Variants in RPL39L observed in about 807,000 individuals in gnomAD.
The protein encoded by RPL39L is ribosomal protein L39 like, also known as ribosomal protein eL39-like 2.
For synonymous variants in RPL39L, 16 were observed against 20.1 expected, an observed-to-expected ratio of 0.80 and a Z score of 0.55; for missense variants, 48 against 58.9, an observed-to-expected ratio of 0.81 and a Z score of 0.61.
intron 1 of RPL39L, among the ~76,000 whole-genome samples, 153 bp downstream of exon 1, chr3:187,139,060 A>AAAACAAACAAACAAACAAAC (rs112153457): frequency 2.0e-5 from 3 of 147,958 alleles, no homozygotes; most frequent in African/African-American, 7.7e-5. Flanking sequence ...CCTGTCTCAA[A>AAAACAAACAAACAAACAAAC]AAACAAACAA....
intron 2 of RPL39L, 42 bp downstream of exon 2, chr3:187,127,957 C>T (rs1262548360): frequency 1.3e-5 from 2 of 152,012 alleles, no homozygotes; most frequent in Non-Finnish European, 2.9e-5. Flanking sequence ...AAAAATTACA[C>T]TTTTTTTTCA....
chr3:187,134,817 G>GT (rs1720547636), intron 1 of RPL39L, among the ~76,000 whole-genome samples: 1 of 152,214 alleles, frequency 6.6e-6, no homozygotes, highest in African/African-American at 2.4e-5. Context: ...GCCTTTCTCA[G>GT]TGCCAGGAGG....
At chr3:187,138,415 G>A (rs964558990) in intron 1 of RPL39L, among the ~76,000 whole-genome samples, 33 of 152,312 alleles carry the variant, frequency 2.2e-4, no homozygotes, top group African/African-American at 7.9e-4. Flanking sequence ...AAAAGGCAAG[G>A]AAGTGGCGAG....
At chr3:187,127,331 A>C (rs1175236217) in intron 2 of RPL39L, among the ~76,000 whole-genome samples, 1 of 152,232 alleles carries the variant, frequency 6.6e-6, no homozygotes, top group Non-Finnish European at 1.5e-5. Context: ...GAATGGACCC[A>C]AGAATTTGCA....
intron 1 of RPL39L, among the ~76,000 whole-genome samples, chr3:187,134,977 T>C (rs1720549568): frequency 6.6e-6 from 1 of 152,230 alleles, no homozygotes; most frequent in Admixed American, 6.5e-5. Context: ...AGAGTGACCT[T>C]TGCATGTTGG....
At chr3:187,126,408 C>A (rs1720398733) in intron 2 of RPL39L, among the ~76,000 whole-genome samples, 1 of 152,172 alleles carries the variant, frequency 6.6e-6, no homozygotes, top group African/African-American at 2.4e-5. Flanking sequence ...AGGCGATCTG[C>A]CCGCCTCGGC....
intron 1 of RPL39L, among the ~76,000 whole-genome samples, chr3:187,137,821 CA>C (rs36040788): frequency 0.38 from 43,982 of 115,512 alleles, 8,076 homozygotes; most frequent in African/African-American, 0.55. Flanking sequence ...TACTCCGTCT[CA>C]AAAAAAAAAA....
Position 187,121,251 on chromosome 3 carries a change from T to C in RPL39L, c.50A>G (p.Gln17Arg). 1 of 1,614,026 alleles carries C rather than the reference T, an allele frequency of 6.2e-7. No homozygotes were observed. The highest frequency in any genetic ancestry group is 8.5e-7 in the Non-Finnish European group (1 of 1,179,900). ...FTIKRFLAKK[Q>R]KQNRPIPQWI... Reference sequence around the variant, plus strand: ...CTGGGGGATGGGACGATTTTGCTTTTGTTTCTTGGCCAGGAATCGCTTAAT... The same window carrying C: ...CTGGGGGATGGGACGATTTTGCTTTCGTTTCTTGGCCAGGAATCGCTTAAT... Residue 17 changes from glutamine to arginine, a missense_variant, in exon 3 of 3, where the codon CAA (glutamine) becomes CGA (arginine). Transcript: ENST00000296277.
intron 1 of RPL39L, among the ~76,000 whole-genome samples, chr3:187,130,210 T>C (rs1720463370): frequency 6.6e-6 from 1 of 152,034 alleles, no homozygotes; most frequent in Non-Finnish European, 1.5e-5. Flanking sequence ...TCTACTTTGC[T>C]TCACATGAGT....
At chr3:187,133,662 A>T (rs1050207399) in intron 1 of RPL39L, among the ~76,000 whole-genome samples, 9 of 152,148 alleles carry the variant, frequency 5.9e-5, no homozygotes, top group Non-Finnish European at 8.8e-5. Context: ...GCAAGCACCA[A>T]GTAACAAGCA....
chr3:187,136,602 G>A (rs1203984487), intron 1 of RPL39L, among the ~76,000 whole-genome samples: 2 of 152,076 alleles, frequency 1.3e-5, no homozygotes, highest in Admixed American at 6.6e-5. Context: ...ATAAGAGTAG[G>A]TAGTGGTATT....
intron 1 of RPL39L, among the ~76,000 whole-genome samples, chr3:187,134,984 T>C (rs1720549760): frequency 6.6e-6 from 1 of 152,228 alleles, no homozygotes; most frequent in Non-Finnish European, 1.5e-5. Flanking sequence ...CCTTTGCATG[T>C]TGGGTGAAAG....
intron 1 of RPL39L, among the ~76,000 whole-genome samples, chr3:187,129,118 T>G (rs1302940251): frequency 6.6e-6 from 1 of 152,238 alleles, no homozygotes; most frequent in African/African-American, 2.4e-5. Flanking sequence ...GAATATTGAA[T>G]GTTAGATCCA....
chr3:187,126,056 CAA>C (rs1720391813), intron 2 of RPL39L, among the ~76,000 whole-genome samples: 1 of 151,820 alleles, frequency 6.6e-6, no homozygotes, highest in Admixed American at 6.6e-5. Flanking sequence ...AATCTTTTAA[CAA>C]AAAAGTTTTT....
Position 187,121,086 on chromosome 3 carries a change from G to C in RPL39L, c.*59C>G. 6.3e-7 allele frequency: 1 copy of C among 1,577,884 alleles called. No individual in the cohort carries two copies. The highest frequency in any genetic ancestry group is 1.1e-5 in the South Asian group (1 of 89,542). Reference sequence around the variant, plus strand: ...GTGGTGACATTTTCAGCTTGATATCGTAAGATGATCGTGAACTTGATACAG... The same window carrying C: ...GTGGTGACATTTTCAGCTTGATATCCTAAGATGATCGTGAACTTGATACAG... On this transcript the variant is annotated 3_prime_UTR_variant, in exon 3 of 3. Coordinates refer to ENST00000296277, the MANE Select transcript of RPL39L (RefSeq NM_052969.3).
intron 1 of RPL39L, among the ~76,000 whole-genome samples, chr3:187,134,496 A>AAAAAAAAAAAAAAAAAAAG (rs1362750015): frequency 6.6e-6 from 1 of 150,898 alleles, no homozygotes; most frequent in East Asian, 2.0e-4. Flanking sequence ...AAAAAAAAAA[A>AAAAAAAAAAAAAAAAAAAG]AAAAAAGAAG....
At chr3:187,130,058 T>A (rs1197633911) in intron 1 of RPL39L, among the ~76,000 whole-genome samples, 2 of 152,244 alleles carry the variant, frequency 1.3e-5, no homozygotes, top group Admixed American at 1.3e-4. Context: ...AAACCCATCA[T>A]AGAACTCTCA....
intron 1 of RPL39L, among the ~76,000 whole-genome samples, chr3:187,135,747 T>C (rs114933187): frequency 0.012 from 1,794 of 152,334 alleles, 37 homozygotes; most frequent in African/African-American, 0.041. Flanking sequence ...CATTTTGCCT[T>C]GCTATAAAGG....
chr3:187,135,211 G>A (rs1053404822), intron 1 of RPL39L, among the ~76,000 whole-genome samples: 6 of 152,170 alleles, frequency 3.9e-5, no homozygotes, highest in Admixed American at 3.3e-4. Context: ...GTCAAATACT[G>A]TGGCTCCTGA....
Sources: allele counts gnomAD v4.1 joint callset (sites outside exome capture counted in the v4.1 genomes callset), GRCh38; gene constraint gnomAD v4.1.1; transcripts MANE v1.5; gene names NCBI Gene and HGNC (gene_info 2026-07-23, HGNC 2026-07-21).